The following GNAQ variants were observed in gnomAD, a reference collection of about 807,000 sequenced individuals.
The protein encoded by GNAQ is G protein subunit alpha q, also known as guanine nucleotide-binding protein G(q) subunit alpha.
In GNAQ, 8 loss-of-function variants were observed where a neutral mutation model predicts 43.9. The ratio of observed to expected loss-of-function variants is 0.18; its 90% CI spans 0.11 to 0.33. The LOEUF is 0.33. GNAQ is among the 10% of genes least tolerant of loss of function. The pLI is 1.00. For synonymous variants in GNAQ, 155 were observed against 170.7 expected (o/e 0.91, Z 0.71); for missense variants, 158 against 450.8 (o/e 0.35, Z 5.88).
rs977823842 is a variant in GNAQ at position 77,949,326 on chromosome 9, A to G, written c.137-26981T>C. On this transcript the variant is annotated intron_variant, in intron 1 of 6. Coordinates refer to ENST00000286548, the MANE Select transcript of GNAQ (RefSeq NM_002072.5). ...GGGCAGAAATGAATGTGGTGGCAACACAAGGCTCAGAGGCCACTGGGGAGT... is the reference window on the plus strand; with the variant it reads ...GGGCAGAAATGAATGTGGTGGCAACGCAAGGCTCAGAGGCCACTGGGGAGT... 3.3e-5 allele frequency among the ~76,000 whole-genome samples: 5 copies of G among 152,322 alleles called. No homozygotes were observed. The South Asian group carries it at 6.2e-4, about 19-fold the overall frequency.
intron 5 of GNAQ, among the ~76,000 whole-genome samples, chr9:77,744,810 T>C (rs1564097433): frequency 6.6e-6 from 1 of 152,178 alleles, no homozygotes. Context: ...CAGGGCAACT[T>C]GGATTTAAAT....
chr9:77,755,311 G>A (rs1825884099), intron 5 of GNAQ, among the ~76,000 whole-genome samples: 1 of 152,178 alleles, frequency 6.6e-6, no homozygotes, highest in Non-Finnish European at 1.5e-5. Flanking sequence ...GTATTTGATA[G>A]CACATCAGGG....
At chr9:77,913,907 T>C (rs1828851645) in intron 2 of GNAQ, among the ~76,000 whole-genome samples, 1 of 152,130 alleles carries the variant, frequency 6.6e-6, no homozygotes, top group Non-Finnish European at 1.5e-5. Context: ...GAAATTTTTA[T>C]TATCGAAAAA....
intron 1 of GNAQ, among the ~76,000 whole-genome samples, chr9:78,001,224 C>A (rs966553157): frequency 2.0e-5 from 3 of 151,884 alleles, no homozygotes; most frequent in Admixed American, 1.3e-4. Context: ...ATGATGAAAC[C>A]CCATCTCTAC....
chr9:77,981,848 C>T (rs559919353), intron 1 of GNAQ, among the ~76,000 whole-genome samples: 91 of 152,276 alleles, frequency 6.0e-4, no homozygotes, highest in African/African-American at 2.1e-3. Context: ...CTCAATTTTA[C>T]CTTGATTGGA....
intron 5 of GNAQ, among the ~76,000 whole-genome samples, chr9:77,733,112 T>C (rs1230111317): frequency 6.6e-6 from 1 of 152,098 alleles, no homozygotes; most frequent in Non-Finnish European, 1.5e-5. Context: ...TGGGAAACAT[T>C]CACTCCAATC....
At chr9:77,758,488 A>C (rs1379465000) in intron 5 of GNAQ, among the ~76,000 whole-genome samples, 1 of 152,228 alleles carries the variant, frequency 6.6e-6, no homozygotes, top group African/African-American at 2.4e-5. Flanking sequence ...TTTCTAAACT[A>C]AATTGCTAAT....
intron 5 of GNAQ, among the ~76,000 whole-genome samples, chr9:77,758,181 G>C (rs776014970): frequency 2.0e-5 from 3 of 152,178 alleles, no homozygotes; most frequent in Admixed American, 6.5e-5. Flanking sequence ...AAAGACATTT[G>C]TCTTACATTT....
chr9:77,934,224 T>C (rs1326114489), intron 1 of GNAQ, among the ~76,000 whole-genome samples: 4 of 150,366 alleles, frequency 2.7e-5, no homozygotes, highest in African/African-American at 7.3e-5. Context: ...GATGAGCGAA[T>C]TGGCCTGGAT....
chr9:77,998,100 C>T (rs1823598518), intron 1 of GNAQ, among the ~76,000 whole-genome samples: 1 of 152,130 alleles, frequency 6.6e-6, no homozygotes, highest in Non-Finnish European at 1.5e-5. Flanking sequence ...TGGCGAGGGC[C>T]CAGGACCAGA....
chr9:77,851,461 G>A (rs916326979), intron 2 of GNAQ, among the ~76,000 whole-genome samples: 12 of 152,204 alleles, frequency 7.9e-5, no homozygotes, highest in South Asian at 2.1e-4. Flanking sequence ...AGAAAGTAGA[G>A]CTGGACGTAT....
intron 1 of GNAQ, among the ~76,000 whole-genome samples, chr9:77,993,238 A>G (rs2118528817): frequency 6.6e-6 from 1 of 152,266 alleles, no homozygotes; most frequent in Admixed American, 6.5e-5. Context: ...TTGGTATTCA[A>G]TTTTTTAATT....
At chr9:77,754,400 A>C (rs1395815549) in intron 5 of GNAQ, among the ~76,000 whole-genome samples, 1 of 152,204 alleles carries the variant, frequency 6.6e-6, no homozygotes, top group Non-Finnish European at 1.5e-5. Flanking sequence ...TGACAAAATA[A>C]GTAGGTGTTT....
intron 2 of GNAQ, among the ~76,000 whole-genome samples, chr9:77,898,300 A>C (rs527559441): frequency 6.6e-6 from 1 of 152,366 alleles, no homozygotes; most frequent in East Asian, 1.9e-4. Context: ...GACTGGGCTT[A>C]AATCAACCCA....
intron 5 of GNAQ, among the ~76,000 whole-genome samples, chr9:77,771,204 G>C (rs1826217314): frequency 6.6e-6 from 1 of 152,118 alleles, no homozygotes; most frequent in Non-Finnish European, 1.5e-5. Context: ...TTAGTAAGTT[G>C]ACAGTCTATT....
chr9:77,916,595 G>T (rs947769059), intron 2 of GNAQ, among the ~76,000 whole-genome samples: 1 of 152,170 alleles, frequency 6.6e-6, no homozygotes, highest in African/African-American at 2.4e-5. Context: ...GAGGACAAAA[G>T]GCACTGTAGC....
At chr9:77,940,406 C>G (rs1185430195) in intron 1 of GNAQ, among the ~76,000 whole-genome samples, 2 of 151,998 alleles carry the variant, frequency 1.3e-5, no homozygotes, top group East Asian at 3.9e-4. Flanking sequence ...CACGGCAAAG[C>G]CCCATCTCTA....
chr9:77,954,616 T>A lies in GNAQ; in HGVS notation c.137-32271A>T, dbSNP rs531562565. Among the ~76,000 whole-genome samples the A allele has an allele frequency of 2.0e-5, 3 of 152,288 alleles. No individual in the cohort carries two copies. The East Asian group carries it at 5.8e-4, about 29-fold the overall frequency. On this transcript the variant is annotated intron_variant, in intron 1 of 6. Coordinates refer to ENST00000286548, the MANE Select transcript of GNAQ (RefSeq NM_002072.5). ...CAGCACTCAACAAAGCATGCTATATTTCAAAGAATGTTAGAGTTTAATGAC... is the reference window on the plus strand; with the variant it reads ...CAGCACTCAACAAAGCATGCTATATATCAAAGAATGTTAGAGTTTAATGAC...
At chr9:77,985,069 G>T (rs943108529) in intron 1 of GNAQ, among the ~76,000 whole-genome samples, 1 of 152,174 alleles carries the variant, frequency 6.6e-6, no homozygotes, top group African/African-American at 2.4e-5. Flanking sequence ...CCAGCACTTT[G>T]GGAGGCCAAG....
Sources: gnomAD v4.1 joint callset for allele counts (sites outside exome capture counted in the v4.1 genomes callset) on GRCh38, gnomAD v4.1.1 for gene constraint, MANE v1.5 for transcripts, NCBI Gene and HGNC (gene_info 2026-07-23, HGNC 2026-07-21) for gene names.